ZNF883: variants seen among roughly 807,000 people sequenced by gnomAD.
The protein encoded by ZNF883 is zinc finger protein 883.
At chr9:112,997,221 T>C (rs765480941) in exon 1 of ZNF883, 2 of 1,614,030 alleles carry the variant, frequency 1.2e-6, no homozygotes, top group Non-Finnish European at 1.7e-6. Flanking sequence ...TGATAGGGTC[T>C]CTCCCTTGTA....
chr9:112,995,799 G>T (rs1828348216), downstream of ZNF883, among the ~76,000 whole-genome samples: 1 of 152,062 alleles, frequency 6.6e-6, no homozygotes, highest in African/African-American at 2.4e-5. Context: ...TAAACTGCTA[G>T]ATTTCCTAAT....
downstream of ZNF883, among the ~76,000 whole-genome samples, chr9:112,996,614 AC>A (rs1237215543): frequency 4.7e-5 from 7 of 149,832 alleles, no homozygotes; most frequent in South Asian, 4.2e-4. Context: ...ACACGGTGAA[AC>A]CCCGTCTCTA....
chr9:112,989,610 T>C (rs1397888465), intron 1 of ZNF883, among the ~76,000 whole-genome samples: 2 of 152,234 alleles, frequency 1.3e-5, no homozygotes, highest in Non-Finnish European at 2.9e-5. Context: ...TTGGGCTTTT[T>C]TTGGTTCCAT....
intron 2 of ZNF883, among the ~76,000 whole-genome samples, chr9:113,008,600 A>G (rs547882561): frequency 6.6e-6 from 1 of 151,602 alleles, no homozygotes; most frequent in South Asian, 2.1e-4. Flanking sequence ...TTAAAAATCC[A>G]GCATTTTATT....
At chr9:113,005,712 ACAT>A (rs1828468316) in intron 2 of ZNF883, among the ~76,000 whole-genome samples, 2 of 152,148 alleles carry the variant, frequency 1.3e-5, no homozygotes, top group Admixed American at 1.3e-4. Context: ...TCCTCTCACT[ACAT>A]CATTACATTC....
At chr9:113,005,056 G>C (rs899594765) in intron 2 of ZNF883, among the ~76,000 whole-genome samples, 2 of 151,856 alleles carry the variant, frequency 1.3e-5, no homozygotes, top group Non-Finnish European at 2.9e-5. Flanking sequence ...AATAATTATA[G>C]GTGAATTAAA....
At chr9:112,988,379 T>C (rs1018354170) in intron 1 of ZNF883, among the ~76,000 whole-genome samples, 4 of 152,180 alleles carry the variant, frequency 2.6e-5, no homozygotes, top group African/African-American at 9.6e-5. Flanking sequence ...CTCCCACTTA[T>C]AAGTGAGAAC....
At chr9:112,996,770 G>A (rs1049395233), downstream of ZNF883, among the ~76,000 whole-genome samples, 73 of 108,536 alleles carry the variant, frequency 6.7e-4, no homozygotes, top group African/African-American at 1.7e-3. Context: ...CAGCCTGGGC[G>A]ACAGAGCGAG....
chr9:112,995,207 G>C (rs576880992), downstream of ZNF883, among the ~76,000 whole-genome samples: 1 of 151,116 alleles, frequency 6.6e-6, no homozygotes, highest in Non-Finnish European at 1.5e-5. Flanking sequence ...AGAATAAAAG[G>C]CTGAGTAAGA....
chr9:112,991,163 T>G (rs910728635), intron 1 of ZNF883, among the ~76,000 whole-genome samples: 4 of 152,096 alleles, frequency 2.6e-5, no homozygotes, highest in African/African-American at 9.7e-5. Context: ...TTGGTTCTCA[T>G]TTTTTTAGTT....
intron 1 of ZNF883, among the ~76,000 whole-genome samples, chr9:112,988,777 G>A (rs183579303): frequency 3.9e-4 from 60 of 152,224 alleles, no homozygotes; most frequent in African/African-American, 1.3e-3. Context: ...TACCAACAGC[G>A]TGAAACTGTT....
At chr9:113,003,541 C>T (rs1323115820) in intron 2 of ZNF883, among the ~76,000 whole-genome samples, 1 of 149,728 alleles carries the variant, frequency 6.7e-6, no homozygotes, top group East Asian at 1.9e-4. Context: ...AGTATAGGGG[C>T]TTATGTGACT....
chr9:113,008,500 C>T (rs2118627853), intron 2 of ZNF883, among the ~76,000 whole-genome samples: 1 of 152,186 alleles, frequency 6.6e-6, no homozygotes, highest in Middle Eastern at 3.4e-3. Flanking sequence ...ACAGAAGTTC[C>T]TTTCAACTCA....
At chr9:112,998,019 TCTGA>T (rs1243646019) in exon 1 of ZNF883, 2 of 1,613,866 alleles carry the variant, frequency 1.2e-6, no homozygotes, top group Admixed American at 1.7e-5. Flanking sequence ...AGATTAGTGC[TCTGA>T]CTAAAAGCTT....
intron 2 of ZNF883, among the ~76,000 whole-genome samples, chr9:113,008,097 T>G (rs1433191007): frequency 6.6e-6 from 1 of 152,214 alleles, no homozygotes; most frequent in Non-Finnish European, 1.5e-5. Flanking sequence ...AATTAAAATT[T>G]TAATGATTAT....
downstream of ZNF883, among the ~76,000 whole-genome samples, chr9:112,992,153 G>A (rs542456083): frequency 6.6e-6 from 1 of 152,320 alleles, no homozygotes; most frequent in Non-Finnish European, 1.5e-5. Flanking sequence ...TTGCAGACTT[G>A]TTGATGTAGT....
intron 1 of ZNF883, among the ~76,000 whole-genome samples, chr9:112,991,240 T>A (rs1003612653): frequency 6.6e-5 from 10 of 152,302 alleles, no homozygotes; most frequent in African/African-American, 2.4e-4. Context: ...CTATAAATTT[T>A]CCTTTTAACA....
chr9:112,998,256 C>T, exon 1 of ZNF883: 3 of 1,591,066 alleles, frequency 1.9e-6, no homozygotes, highest in Non-Finnish European at 2.6e-6. Context: ...TTCTCAGATT[C>T]CATCAGTACT....
downstream of ZNF883, among the ~76,000 whole-genome samples, chr9:112,996,808 A>G (rs1828361211): frequency 1.3e-5 from 2 of 150,090 alleles, no homozygotes; most frequent in South Asian, 4.2e-4. Context: ...AAAAAAAAAA[A>G]AAAAAAAAAA....
Sources: allele counts gnomAD v4.1 joint callset (sites outside exome capture counted in the v4.1 genomes callset), GRCh38; gene constraint gnomAD v4.1.1; transcripts MANE v1.5; gene names NCBI Gene and HGNC (gene_info 2026-07-23, HGNC 2026-07-21).